FKBP14: variants seen among roughly 807,000 people sequenced by gnomAD.
The protein encoded by FKBP14 is peptidyl-prolyl cis-trans isomerase FKBP14.
A neutral mutation model predicts 21.6 loss-of-function variants in FKBP14; 20 were observed. The ratio of observed to expected loss-of-function variants is 0.92; its 90% CI spans 0.65 to 1.34. The LOEUF (loss-of-function observed/expected upper bound fraction) is 1.34. Ranked by LOEUF, FKBP14 falls within the 40% of genes most tolerant of loss-of-function variation. FKBP14 has a pLI of 0.00. For synonymous variants in FKBP14, 79 were observed against 86.7 expected, an observed-to-expected ratio of 0.91 and a Z score of 0.49; for missense variants, 253 against 249.0, an observed-to-expected ratio of 1.02 and a Z score of -0.11.
At position 30,013,394 on chromosome 7, in the gene FKBP14, T is replaced by C. The variant is rs1274823193; in HGVS notation, c.*1341A>G. The C allele has an allele frequency of 6.6e-6, 1 of 151,904 alleles. No individual in the cohort carries two copies. Among genetic ancestry groups the C allele is most frequent in the East Asian group, 1.9e-4 (1 of 5,160 alleles). 9.4% of individuals were successfully genotyped at this position (151,904 alleles called of 1,614,324 possible). A position where few individuals can be genotyped will look rare whatever the true frequency, so the allele number is the denominator to read the frequency against. Reference sequence around the variant, plus strand: ...CCTCCCGAGTAGCTGGGACTACAGGTGTGCACCACCACGCCTGGCTAATTT... The same window carrying C: ...CCTCCCGAGTAGCTGGGACTACAGGCGTGCACCACCACGCCTGGCTAATTT... On this transcript the variant is annotated 3_prime_UTR_variant, in exon 4 of 4. Transcript: ENST00000222803.
Position 30,014,637 on chromosome 7 carries a change from C to G in FKBP14, c.*98G>C. On this transcript the variant is annotated 3_prime_UTR_variant, in exon 4 of 4. Transcript: ENST00000222803. ...AGAAAAAATATATAAAAATAAAAAA[C>G]AAAGCAAGAAAGAACATTGTATAAA... 1 of 834,758 alleles carries G rather than the reference C, an allele frequency of 1.2e-6. No homozygotes were observed. The highest frequency in any genetic ancestry group is 1.6e-6 in the Non-Finnish European group (1 of 616,678). 51.7% of individuals were successfully genotyped at this position (834,758 alleles called of 1,614,324 possible). A position where few individuals can be genotyped will look rare whatever the true frequency, so the allele number is the denominator to read the frequency against.
rs1789959391 is a variant in FKBP14 at position 30,018,919 on chromosome 7, T to C, written c.477+77A>G. On this transcript the variant is annotated intron_variant, in intron 3 of 3. Transcript: ENST00000222803. ...TACACATATTCATTTAAAAAGTGAGTTACAAAAACAAAACAAAACAAAACC... is the reference window on the plus strand; with the variant it reads ...TACACATATTCATTTAAAAAGTGAGCTACAAAAACAAAACAAAACAAAACC... The C allele has an allele frequency of 8.1e-6, 12 of 1,480,626 alleles. No individual in the cohort carries two copies. In the South Asian group the frequency reaches 1.5e-4, roughly 18 times the overall value. The allele number at this position is 1,480,626 out of a possible 1,614,324, so 91.7% of individuals were successfully genotyped here.
At chr7:30,006,837 A>G (rs554870141), downstream of FKBP14, among the ~76,000 whole-genome samples, 7 of 152,316 alleles carry the variant, frequency 4.6e-5, no homozygotes, top group Admixed American at 4.6e-4. Flanking sequence ...CTCAACTGTT[A>G]CTTCCCCAAG....
rs1222391413 is a variant in FKBP14, at chr7:30,026,544, A to C, written c.-36T>G. ...CAAGGAAAGAAGTCCCTACAAAAGC[A>C]GCGAAAGGTCCCTCGACTTCATAGA... On this transcript the variant is annotated 5_prime_UTR_variant, in exon 1 of 4. Coordinates refer to ENST00000222803, the MANE Select transcript of FKBP14 (RefSeq NM_017946.4). The C allele has an allele frequency of 6.4e-7, 1 of 1,574,518 alleles. No individual in the cohort carries two copies. The highest frequency in any genetic ancestry group is 8.6e-7 in the Non-Finnish European group (1 of 1,160,524).
At chr7:30,022,866 T>C (rs760385900) in intron 1 of FKBP14, 50 bp from the exon 2 acceptor site, 79 of 1,548,154 alleles carry the variant, frequency 5.1e-5, no homozygotes, top group Non-Finnish European at 6.4e-5. Flanking sequence ...TCTAAAAAAT[T>C]TTCTTTAGTG....
chr7:30,018,368 C>T (rs950898771), intron 3 of FKBP14, among the ~76,000 whole-genome samples: 2 of 152,204 alleles, frequency 1.3e-5, no homozygotes, highest in African/African-American at 4.8e-5. Flanking sequence ...CCGCAGCAGC[C>T]AGACTAAGAC....
rs953885884 is a variant in FKBP14 at position 30,023,075 on chromosome 7, T to C, written c.198-259A>G. On this transcript the variant is annotated intron_variant, in intron 1 of 3. Transcript: ENST00000222803. ...AGGAAATAATAAAAACAACAACCAT[T>C]TGAACATTTGTTGTATACCAGGAAT... Among the ~76,000 whole-genome samples, 7 of 151,714 alleles carry C rather than the reference T, an allele frequency of 4.6e-5. No individual in the cohort carries two copies. The East Asian group carries it at 5.8e-4, about 13-fold the overall frequency.
intron 3 of FKBP14, 63 bp from the exon 4 acceptor site, chr7:30,014,956 A>C: frequency 1.8e-6 from 2 of 1,130,294 alleles, no homozygotes; most frequent in Non-Finnish European, 1.2e-6. Flanking sequence ...GAGCCAATCA[A>C]TATCACAGAC....
At position 30,012,732 on chromosome 7, in the gene FKBP14, G is replaced by A. The variant is rs923249667; in HGVS notation, c.*2003C>T. ...TTTTTGAGGCAATTCAGAGCTAACT[G>A]CAAGATTATGCTATGAAACTGAAGC... On this transcript the variant is annotated 3_prime_UTR_variant, in exon 4 of 4. Coordinates refer to ENST00000222803, the MANE Select transcript of FKBP14 (RefSeq NM_017946.4). 1 of 152,218 alleles carries A rather than the reference G, an allele frequency of 6.6e-6. No homozygotes were observed. Among genetic ancestry groups the A allele is most frequent in the African/African-American group, 2.4e-5 (1 of 41,456 alleles). 9.4% of individuals were successfully genotyped at this position (152,218 alleles called of 1,614,324 possible).
At chr7:30,015,075 T>TA (rs1333618882) in intron 3 of FKBP14, among the ~76,000 whole-genome samples, 182 bp from the exon 4 acceptor site, 5 of 152,088 alleles carry the variant, frequency 3.3e-5, no homozygotes, top group African/African-American at 2.4e-5. Context: ...CTTTTTCCCT[T>TA]AAAAAAACTG....
At chr7:30,017,204 A>G (rs992571450) in intron 3 of FKBP14, among the ~76,000 whole-genome samples, 15 of 152,000 alleles carry the variant, frequency 9.9e-5, no homozygotes, top group African/African-American at 3.1e-4. Context: ...GAAAGAAAAA[A>G]GTAATTAATA....
intron 1 of FKBP14, among the ~76,000 whole-genome samples, chr7:30,025,959 T>G (rs955877315): frequency 6.6e-6 from 1 of 152,248 alleles, no homozygotes; most frequent in Non-Finnish European, 1.5e-5. Context: ...TCAAGTCATT[T>G]TCTTTAAGAA....
At chr7:30,015,019 G>T in intron 3 of FKBP14, 126 bp from the exon 4 acceptor site, 2 of 477,684 alleles carry the variant, frequency 4.2e-6, no homozygotes, top group African/African-American at 2.0e-5. Flanking sequence ...CTTCTAAACA[G>T]CCATTTTATG....
chr7:30,021,778 C>T (rs1790037504), intron 2 of FKBP14, among the ~76,000 whole-genome samples: 2 of 152,204 alleles, frequency 1.3e-5, no homozygotes, highest in South Asian at 4.1e-4. Flanking sequence ...CGGTCTCAAA[C>T]TCCTGACCTC....
intron 3 of FKBP14, among the ~76,000 whole-genome samples, chr7:30,017,769 C>T (rs1333976186): frequency 6.6e-6 from 1 of 152,054 alleles, no homozygotes; most frequent in African/African-American, 2.4e-5. Context: ...AATCCCAGCA[C>T]TTTGGAAGGC....
At position 30,022,781 on chromosome 7, in the gene FKBP14, G is replaced by A. The variant is rs758100842; in HGVS notation, c.233C>T (p.Thr78Ile). The change falls in exon 2 of 4, where the codon ACC (threonine) becomes ATC (isoleucine). Residue 78 changes from threonine to isoleucine, a missense_variant. By Grantham distance (89) the Thr-to-Ile change is moderately conservative. Coordinates refer to ENST00000222803, the MANE Select transcript of FKBP14 (RefSeq NM_017946.4). Reference protein sequence around the residue: ...KHNNGQPIWFTLGILEALKGW... With the variant: ...KHNNGQPIWFILGILEALKGW... ...TTTGAGAGCCTCCAGGATGCCCAGG[G>A]TAAACCAAATGGGCTGACCATTGTT... 44 of 1,613,960 alleles carry A rather than the reference G, an allele frequency of 2.7e-5. No homozygotes were observed. Among genetic ancestry groups the A allele is most frequent in the Non-Finnish European group, 3.5e-5 (41 of 1,180,010 alleles).
Position 30,013,936 on chromosome 7 carries a change from T to A in FKBP14, c.*799A>T, listed in dbSNP as rs1789812937. The A allele has an allele frequency of 6.6e-6, 1 of 152,170 alleles. No individual in the cohort carries two copies. Among genetic ancestry groups the A allele is most frequent in the South Asian group, 2.1e-4 (1 of 4,828 alleles). 9.4% of individuals were successfully genotyped at this position (152,170 alleles called of 1,614,324 possible). On this transcript the variant is annotated 3_prime_UTR_variant, in exon 4 of 4. Coordinates refer to ENST00000222803, the MANE Select transcript of FKBP14 (RefSeq NM_017946.4). ...TGTCCAGGCTGGAGGTGATCTCGGC[T>A]TACCGCAACCTCCGCCTCCGGGTTC...
chr7:30,008,705 G>A (rs1022657793), downstream of FKBP14, among the ~76,000 whole-genome samples: 37 of 151,470 alleles, frequency 2.4e-4, no homozygotes, highest in Middle Eastern at 3.5e-3. Context: ...GGCCAGGTGC[G>A]GTGGCTCATG....
rs1220138853 is a variant in FKBP14 at position 30,010,884 on chromosome 7, TAAG to T, written c.*3848_*3850del. ...TTTAAATAGATAAAAGCTTATATAA[TAAG>T]GATATAAGGAAAATATTTTTGTACA... On this transcript the variant is annotated 3_prime_UTR_variant, in exon 4 of 4. Coordinates refer to ENST00000222803, the MANE Select transcript of FKBP14 (RefSeq NM_017946.4). 6.6e-6 allele frequency: 1 copy of T among 152,124 alleles called. No homozygotes were observed. The highest frequency in any genetic ancestry group is 1.5e-5 in the Non-Finnish European group (1 of 68,010). The allele number at this position is 152,124 out of a possible 1,614,324, so 9.4% of individuals were successfully genotyped here.
Sources: allele counts gnomAD v4.1 joint callset (sites outside exome capture counted in the v4.1 genomes callset), GRCh38; gene constraint gnomAD v4.1.1; transcripts MANE v1.5; gene names NCBI Gene and HGNC (gene_info 2026-07-23, HGNC 2026-07-21).